LSM4: variants seen among roughly 807,000 people sequenced by gnomAD.
LSM4 encodes the protein U6 snRNA-associated Sm-like protein LSm4.
LSM4 carries 15 observed loss-of-function variants against 22.3 expected under a neutral mutation model. That is an observed-to-expected ratio of 0.67 (90% CI 0.45 to 1.03). The LOEUF is 1.03. Ranked by LOEUF, LSM4 falls within the 50% of genes least tolerant of loss-of-function variation. The pLI is 0.00. For missense variants in LSM4, 127 were observed against 198.0 expected, an observed-to-expected ratio of 0.64 and a Z score of 2.15; for synonymous variants, 90 against 79.8, an observed-to-expected ratio of 1.13 and a Z score of -0.68.
chr19:18,322,643 A>C (rs1415921729), intron 1 of LSM4, among the ~76,000 whole-genome samples: 1 of 152,106 alleles, frequency 6.6e-6, no homozygotes, highest in Non-Finnish European at 1.5e-5. Flanking sequence ...TCTAGTTTTC[A>C]ATCAGGGAGG....
intron 1 of LSM4, among the ~76,000 whole-genome samples, chr19:18,322,383 G>A (rs748594737): frequency 1.3e-5 from 2 of 152,164 alleles, no homozygotes; most frequent in African/African-American, 4.8e-5. Flanking sequence ...GGGCCCTGCA[G>A]AGACCTGGGC....
At chr19:18,322,081 C>T (rs1719701676) in intron 1 of LSM4, among the ~76,000 whole-genome samples, 1 of 152,190 alleles carries the variant, frequency 6.6e-6, no homozygotes, top group Non-Finnish European at 1.5e-5. Context: ...GCAAGGTGAA[C>T]CCATTGGGTG....
intron 1 of LSM4, among the ~76,000 whole-genome samples, chr19:18,317,736 G>A (rs1970374102): frequency 6.6e-6 from 1 of 151,388 alleles, no homozygotes. Context: ...TTACTATATT[G>A]CCCAAGCTGG....
intron 4 of LSM4, chr19:18,309,274 C>CA (rs111981211): frequency 0.044 from 7,831 of 179,288 alleles, 672 homozygotes; most frequent in African/African-American, 0.17. Flanking sequence ...GCAGGGGCTA[C>CA]AGATGGCCCC....
chr19:18,309,664 G>A lies in LSM4; in HGVS notation c.328+14C>T, dbSNP rs773980973. On this transcript the variant is annotated intron_variant, in intron 4 of 4. Coordinates refer to ENST00000593829, the MANE Select transcript of LSM4 (RefSeq NM_012321.5). ...TCCCGCCCCAGGTACGTCCACTGGA[G>A]AGGGGAGACCCACCTCGGCCAGCGC... 7 of 1,586,564 alleles carry A rather than the reference G, an allele frequency of 4.4e-6. No individual in the cohort carries two copies. Among genetic ancestry groups the A allele is most frequent in the South Asian group, 1.1e-5 (1 of 88,544 alleles).
intron 1 of LSM4, 31 bp downstream of exon 1, chr19:18,322,987 C>T (rs1440578360): frequency 6.3e-7 from 1 of 1,592,188 alleles, no homozygotes; most frequent in East Asian, 2.3e-5. Flanking sequence ...TCCCGCCTCC[C>T]GGTGAGACCC....
At chr19:18,311,278 G>A (rs913332450) in intron 3 of LSM4, among the ~76,000 whole-genome samples, 4 of 152,134 alleles carry the variant, frequency 2.6e-5, no homozygotes, top group African/African-American at 9.7e-5. Context: ...TCAGCCCGGG[G>A]TCTCTGCATC....
chr19:18,322,946 GC>G, intron 1 of LSM4, 71 bp downstream of exon 1: 1 of 1,569,768 alleles, frequency 6.4e-7, no homozygotes, highest in East Asian at 2.4e-5. Flanking sequence ...AGCCCACAGC[GC>G]CCGCCCGCAG....
chr19:18,312,760 C>T, intron 2 of LSM4, 58 bp from the exon 3 acceptor site: 1 of 1,315,496 alleles, frequency 7.6e-7, no homozygotes, highest in Non-Finnish European at 1.1e-6. Context: ...GCCATGGGCC[C>T]CTCAGGAGGT....
chr19:18,316,942 G>C (rs1383579594), intron 1 of LSM4, among the ~76,000 whole-genome samples: 1 of 152,076 alleles, frequency 6.6e-6, no homozygotes, highest in East Asian at 1.9e-4. Context: ...TATTTTTTTA[G>C]ATGAAGCCTT....
chr19:18,321,275 T>C (rs1226757778), intron 1 of LSM4, among the ~76,000 whole-genome samples: 1 of 152,226 alleles, frequency 6.6e-6, no homozygotes, highest in African/African-American at 2.4e-5. Context: ...GGATGGATCC[T>C]TCCAGCTCTG....
At chr19:18,310,027 GCAGGA>G (rs1970281647) in intron 3 of LSM4, 166 bp from the exon 4 acceptor site, 1 of 648,342 alleles carries the variant, frequency 1.5e-6, no homozygotes, top group Admixed American at 3.1e-5. Context: ...CACCCTGCAG[GCAGGA>G]TCTGTCCTGA....
rs945726043 is a variant in LSM4, at chr19:18,307,153, G to T, written c.*311C>A. On this transcript the variant is annotated 3_prime_UTR_variant, in exon 5 of 5. Transcript: ENST00000593829. ...GCTCCAAGAAATGCAAAACAAACCC[G>T]CCTGGAAAATGCTGCCCTGAGAACC... The T allele has an allele frequency of 6.3e-5, 19 of 301,264 alleles. No individual in the cohort carries two copies. The highest frequency in any genetic ancestry group is 9.1e-5 in the Non-Finnish European group (15 of 164,622). The allele number at this position is 301,264 out of a possible 1,614,324, so 18.7% of individuals were successfully genotyped here. A position where few individuals can be genotyped will look rare whatever the true frequency, so the allele number is the denominator to read the frequency against.
At chr19:18,310,851 A>G (rs1970291046) in intron 3 of LSM4, among the ~76,000 whole-genome samples, 1 of 151,808 alleles carries the variant, frequency 6.6e-6, no homozygotes, top group African/African-American at 2.4e-5. Context: ...GCCCGACGAC[A>G]CTCCCTCCAG....
Position 18,315,949 on chromosome 19 carries a change from G to A in LSM4, c.45+75C>T, listed in dbSNP as rs534942965. 1.1e-3 allele frequency: 1,592 copies of A among 1,431,008 alleles called. 33 individuals carry two copies. In the South Asian group the frequency reaches 0.017, roughly 15 times the overall value. The allele number at this position is 1,431,008 out of a possible 1,614,324, so 88.6% of individuals were successfully genotyped here. A position where few individuals can be genotyped will look rare whatever the true frequency, so the allele number is the denominator to read the frequency against. ...TGGTGGACAGGCAGGCCAGGAAGCC[G>A]TCTGCTCAGCCACCGCCCCTGTGCT... On this transcript the variant is annotated intron_variant, in intron 2 of 4. Coordinates refer to ENST00000593829, the MANE Select transcript of LSM4 (RefSeq NM_012321.5).
chr19:18,310,794 G>A (rs971103151), intron 3 of LSM4, among the ~76,000 whole-genome samples: 4 of 152,174 alleles, frequency 2.6e-5, no homozygotes, highest in African/African-American at 9.7e-5. Flanking sequence ...CCTCAGCAGG[G>A]CTCTCTAGGG....
At chr19:18,312,564 C>A (rs1357147755) in intron 3 of LSM4, 40 bp downstream of exon 3, 3 of 1,544,598 alleles carry the variant, frequency 1.9e-6, no homozygotes, top group South Asian at 1.1e-5. Flanking sequence ...TGAGTGTGCA[C>A]CCCCTGCATC....
In LSM4 at chr19:18,307,435, G is replaced by T; in HGVS notation, c.*29C>A. 6.7e-7 allele frequency: 1 copy of T among 1,486,058 alleles called. No homozygotes were observed. The highest frequency in any genetic ancestry group is 8.9e-7 in the Non-Finnish European group (1 of 1,117,962). 92.1% of individuals were successfully genotyped at this position (1,486,058 alleles called of 1,614,324 possible). On this transcript the variant is annotated 3_prime_UTR_variant, in exon 5 of 5. Coordinates refer to ENST00000593829, the MANE Select transcript of LSM4 (RefSeq NM_012321.5). The stretch of plus-strand genomic sequence containing the variant: ...AGCGGAATCGCCACCCTGGCAGGAG[G>T]GGGCGCAGCAGCCGGTCTGGGTGGG...
chr19:18,309,540 T>A, intron 4 of LSM4, 138 bp downstream of exon 4: 1 of 927,266 alleles, frequency 1.1e-6, no homozygotes, highest in Non-Finnish European at 1.6e-6. Flanking sequence ...CCTCGGCTCA[T>A]GGCCAAGGAC....
Sources: gnomAD v4.1 joint callset for allele counts (sites outside exome capture counted in the v4.1 genomes callset) on GRCh38, gnomAD v4.1.1 for gene constraint, MANE v1.5 for transcripts, NCBI Gene and HGNC (gene_info 2026-07-23, HGNC 2026-07-21) for gene names.